RAB28: variants seen among roughly 807,000 people sequenced by gnomAD.
The protein encoded by RAB28 is RAB28, member RAS oncogene family.
Under a neutral mutation model 31.7 loss-of-function variants are expected in RAB28, and 24 were observed. The observed-to-expected ratio is 0.76, with a 90% confidence interval of 0.55 to 1.06. RAB28 has a LOEUF of 1.06. RAB28 is among the 50% of genes least tolerant of loss of function. RAB28 has a pLI of 0.00. For synonymous variants in RAB28, 100 were observed against 90.4 expected (o/e 1.11, Z -0.60); for missense variants, 254 against 258.5 (o/e 0.98, Z 0.12).
Position 13,484,105 on chromosome 4 carries a change from C to T in RAB28, c.46G>A (p.Val16Ile). The change falls in exon 1 of 7, where the codon GTC becomes ATC. Residue 16 changes from valine to isoleucine, a missense_variant. By Grantham distance (29) the Val-to-Ile change is conservative. Transcript: ENST00000330852. The part of the protein sequence containing the change: ...EESQDRQLKI[V>I]VLGDGASGKT... ...CCGGAGGCGCCGTCCCCCAGCACGA[C>T]GATTTTCAGTTGCCGGTCCTGGCTC... is the stretch of plus-strand genomic sequence containing the variant. The T allele has an allele frequency of 6.2e-7, 1 of 1,602,432 alleles. No individual in the cohort carries two copies. Among genetic ancestry groups the T allele is most frequent in the Non-Finnish European group, 8.5e-7 (1 of 1,174,910 alleles).
At chr4:13,457,636 T>C (rs1384273841) in intron 4 of RAB28, among the ~76,000 whole-genome samples, 2 of 152,230 alleles carry the variant, frequency 1.3e-5, no homozygotes, top group Middle Eastern at 3.4e-3. Context: ...CTCTTGTCTT[T>C]TATGCTATTA....
At chr4:13,416,071 C>T (rs1054046036) in intron 4 of RAB28, among the ~76,000 whole-genome samples, 5 of 152,156 alleles carry the variant, frequency 3.3e-5, no homozygotes, top group African/African-American at 1.2e-4. Context: ...CCAATCAGCA[C>T]CCTGTCAAAA....
chr4:13,454,078 C>T (rs1371279921), intron 4 of RAB28, among the ~76,000 whole-genome samples: 1 of 151,912 alleles, frequency 6.6e-6, no homozygotes, highest in Non-Finnish European at 1.5e-5. Flanking sequence ...AAAGGCTTGT[C>T]TTCAAGTTGC....
intron 4 of RAB28, among the ~76,000 whole-genome samples, chr4:13,397,549 G>A (rs558982936): frequency 6.6e-6 from 1 of 151,836 alleles, no homozygotes; most frequent in African/African-American, 2.4e-5. Flanking sequence ...TATAATAAAA[G>A]TCCTACTAAA....
chr4:13,459,905 A>C (rs1715500562), intron 4 of RAB28: 1 of 1,289,348 alleles, frequency 7.8e-7, no homozygotes, highest in Admixed American at 2.3e-5. Context: ...TGTTCTTCAT[A>C]ATCCATGCTG....
At chr4:13,407,319 A>G (rs1234239518) in intron 4 of RAB28, among the ~76,000 whole-genome samples, 1 of 152,062 alleles carries the variant, frequency 6.6e-6, no homozygotes, top group Non-Finnish European at 1.5e-5. Flanking sequence ...ATGGTTGTAG[A>G]TGTGTGGCGT....
At position 13,475,629 on chromosome 4, in the gene RAB28, G is replaced by A. The variant is rs529080328; in HGVS notation, c.173-1223C>T. On this transcript the variant is annotated intron_variant, in intron 2 of 6. Transcript: ENST00000330852. ...CATAGGTTGTTCCATCTGCCACTGC[G>A]CAGAGGATTTCCATGAGGAACTTCC... 4.6e-5 allele frequency among the ~76,000 whole-genome samples: 7 copies of A among 151,614 alleles called. No individual in the cohort carries two copies. In the South Asian group the frequency reaches 1.2e-3, roughly 27 times the overall value.
At chr4:13,386,102 T>A (rs1361356706) in intron 4 of RAB28, among the ~76,000 whole-genome samples, 1 of 151,834 alleles carries the variant, frequency 6.6e-6, no homozygotes, top group Non-Finnish European at 1.5e-5. Context: ...AGAAAATATT[T>A]ACAAACTCTG....
In RAB28 at chr4:13,376,594, G is replaced by GCA. The variant is rs1417443849; in HGVS notation, c.522_523dup (p.Ala175ValfsTer9). ...GTTTAATTTGATCCCAAGGATTTCA[G>GCA]CAGCAACTTTCTGAAAGCACAGGAA... On this transcript the variant is annotated frameshift_variant, in exon 6 of 7. Coordinates refer to ENST00000330852, the MANE Select transcript of RAB28 (RefSeq NM_001017979.3). LOFTEE classifies it high-confidence loss of function. The GCA allele has an allele frequency of 6.2e-7, 1 of 1,603,176 alleles. No individual in the cohort carries two copies. Among genetic ancestry groups the GCA allele is most frequent in the Non-Finnish European group, 8.5e-7 (1 of 1,175,686 alleles).
At chr4:13,429,328 A>C (rs1713680262) in intron 4 of RAB28, among the ~76,000 whole-genome samples, 1 of 152,190 alleles carries the variant, frequency 6.6e-6, no homozygotes, top group African/African-American at 2.4e-5. Context: ...TTGAAAAGGA[A>C]GAAGTAAAAT....
At chr4:13,473,194 C>T (rs1390720635) in intron 3 of RAB28, among the ~76,000 whole-genome samples, 3 of 151,942 alleles carry the variant, frequency 2.0e-5, no homozygotes, top group East Asian at 3.9e-4. Context: ...CTTTGTACAG[C>T]AGAGTGCTTA....
In RAB28 at chr4:13,367,995, T is replaced by A. The variant is rs1241825572; in HGVS notation, c.*563A>T. 2 of 970,844 alleles carry A rather than the reference T, an allele frequency of 2.1e-6. No individual in the cohort carries two copies. The highest frequency in any genetic ancestry group is 2.3e-4 in the East Asian group (2 of 8,758). 60.1% of individuals were successfully genotyped at this position (970,844 alleles called of 1,614,324 possible). On this transcript the variant is annotated 3_prime_UTR_variant, in exon 7 of 7. Coordinates refer to ENST00000330852, the MANE Select transcript of RAB28 (RefSeq NM_001017979.3). ...CAATATAAACAATTTAGGCCCTTTTTTAAAAAATGAAAAAATATTTCTATT... is the reference window on the plus strand; with the variant it reads ...CAATATAAACAATTTAGGCCCTTTTATAAAAAATGAAAAAATATTTCTATT...
chr4:13,476,897 C>G (rs1010584057), intron 2 of RAB28, among the ~76,000 whole-genome samples: 4 of 151,356 alleles, frequency 2.6e-5, no homozygotes, highest in African/African-American at 9.7e-5. Flanking sequence ...AATGAGGTGA[C>G]AAAACACAGG....
At chr4:13,423,304 G>A (rs1455456009) in intron 4 of RAB28, among the ~76,000 whole-genome samples, 1 of 152,120 alleles carries the variant, frequency 6.6e-6, no homozygotes, top group Non-Finnish European at 1.5e-5. Context: ...AGGAGGCCAA[G>A]GAGGGTGGAT....
At chr4:13,372,464 A>AC (rs1185582037) in intron 6 of RAB28, among the ~76,000 whole-genome samples, 30 of 152,140 alleles carry the variant, frequency 2.0e-4, no homozygotes, top group African/African-American at 6.5e-4. Context: ...AACAAGGTCT[A>AC]CCTACATGAT....
intron 6 of RAB28, among the ~76,000 whole-genome samples, chr4:13,369,009 C>T (rs1335853224): frequency 6.6e-6 from 1 of 152,018 alleles, no homozygotes; most frequent in Non-Finnish European, 1.5e-5. Flanking sequence ...GAAAAGAACT[C>T]ATCATTTCAA....
rs139395840 is a variant in RAB28, at chr4:13,381,550, G to C, written c.436C>G (p.Arg146Gly). ...MRTIKPEKHL[R>G]FCQENGFSSH... ...CTAAAACCATTTTCCTGGCAAAACC[G>C]TAAGTGTTTTTCAGGTTTTATTGTT... is the stretch of plus-strand genomic sequence containing the variant. Residue 146 changes from arginine (R) to glycine (G), a missense_variant, in exon 5 of 7, where the codon CGG (arginine) becomes GGG (glycine). Coordinates refer to ENST00000330852, the MANE Select transcript of RAB28 (RefSeq NM_001017979.3). The C allele has an allele frequency of 3.7e-6, 6 of 1,613,248 alleles. No individual in the cohort carries two copies. Among genetic ancestry groups the C allele is most frequent in the Non-Finnish European group, 5.1e-6 (6 of 1,179,482 alleles).
In RAB28 at chr4:13,474,334, T is replaced by C. The variant is rs773702140; in HGVS notation, c.245A>G (p.Tyr82Cys). ...ATATCATACCTGTGCTCCATAGATA[T>C]ATTTATCCAACATTTTGCCTCCTAT... ...QTIGGKMLDK[Y>C]IYGAQGVLLV... Residue 82 changes from tyrosine to cysteine, a missense_variant, in exon 3 of 7, where the codon TAT (tyrosine) becomes TGT (cysteine). Transcript: ENST00000330852. 15 of 1,590,662 alleles carry C rather than the reference T, an allele frequency of 9.4e-6. No individual in the cohort carries two copies. The highest frequency in any genetic ancestry group is 1.7e-4 in the Middle Eastern group (1 of 6,010).
At chr4:13,428,034 G>C (rs960914844) in intron 4 of RAB28, among the ~76,000 whole-genome samples, 7 of 152,112 alleles carry the variant, frequency 4.6e-5, no homozygotes, top group Non-Finnish European at 7.3e-5. Context: ...GAGCAAGCAG[G>C]GGGTACATAA....
Sources: allele counts gnomAD v4.1 joint callset (sites outside exome capture counted in the v4.1 genomes callset), GRCh38; gene constraint gnomAD v4.1.1; transcripts MANE v1.5; gene names NCBI Gene and HGNC (gene_info 2026-07-23, HGNC 2026-07-21).